Variants in CNDP2 observed in about 807,000 individuals in gnomAD.
CNDP2 encodes carnosine dipeptidase 2.
CNDP2 carries 38 observed loss-of-function variants against 55.0 expected under a neutral mutation model. The ratio of observed to expected loss-of-function variants is 0.69; its 90% CI spans 0.53 to 0.90. The LOEUF (loss-of-function observed/expected upper bound fraction) is 0.90. Among genes scored for constraint, CNDP2 ranks in the 40% least tolerant of loss-of-function variants. CNDP2 has a pLI of 0.00. For synonymous variants in CNDP2, 241 were observed against 260.2 expected (o/e 0.93, Z 0.71); for missense variants, 607 against 621.7 (o/e 0.98, Z 0.25).
chr18:74,506,116 TTTA>T, intron 4 of CNDP2, 105 bp downstream of exon 4: 1 of 1,000,550 alleles, frequency 1.0e-6, no homozygotes, highest in South Asian at 4.2e-5. Flanking sequence ...TTTATTTTAT[TTTA>T]TTTATTTTAT....
Position 74,510,919 on chromosome 18 carries a change from TG to T in CNDP2, c.565del (p.Asp189ThrfsTer52). The part of the protein sequence containing the change: ...FARKDTFFKD[V>X]DYVCISDNYW... ...CGGAAAGACACATTCTTTAAGGATG[TG>T]GACTATGTCTGCATTTCTGACAATT... On this transcript the variant is annotated frameshift_variant, in exon 6 of 12. Coordinates refer to ENST00000324262, the MANE Select transcript of CNDP2 (RefSeq NM_018235.3). LOFTEE classifies it high-confidence loss of function. The T allele has an allele frequency of 6.2e-7, 1 of 1,614,198 alleles. No homozygotes were observed. The highest frequency in any genetic ancestry group is 8.5e-7 in the Non-Finnish European group (1 of 1,180,010).
intron 6 of CNDP2, chr18:74,512,154 T>TA: frequency 3.1e-6 from 1 of 326,766 alleles, no homozygotes; most frequent in South Asian, 4.0e-5. Context: ...GGGTCTTTGT[T>TA]AAACTTCTAG....
At chr18:74,513,885 C>A in intron 8 of CNDP2, 166 bp downstream of exon 8, 1 of 667,398 alleles carries the variant, frequency 1.5e-6, no homozygotes, top group Non-Finnish European at 2.4e-6. Flanking sequence ...GGTTGCTGGT[C>A]GTTGGAATTT....
chr18:74,513,624 A>G lies in CNDP2; in HGVS notation c.808A>G (p.Thr270Ala), dbSNP rs1471814513. 6.2e-7 allele frequency: 1 copy of G among 1,614,092 alleles called. No homozygotes were observed. Among genetic ancestry groups the G allele is most frequent in the Admixed American group, 1.7e-5 (1 of 60,028 alleles). ...PGINEAVAAV[T>A]EEEHKLYDDI... ...CATTAACGAGGCCGTGGCCGCCGTC[A>G]CGGAAGAGGAGCACAAGCTGTACGA... is the stretch of plus-strand genomic sequence containing the variant. Residue 270 changes from threonine to alanine, a missense_variant, in exon 8 of 12, where the codon ACG (threonine) becomes GCG (alanine). Transcript: ENST00000324262.
chr18:74,520,901 A>G lies in CNDP2; in HGVS notation c.*833A>G, dbSNP rs796803161. On this transcript the variant is annotated 3_prime_UTR_variant, in exon 12 of 12. Coordinates refer to ENST00000324262, the MANE Select transcript of CNDP2 (RefSeq NM_018235.3). ...TGCTTTCTGCCTTCTGTCTCAGGTG[A>G]TGCATTGCACATTTGGGATATTTGG... is the stretch of plus-strand genomic sequence containing the variant. 8.3e-4 allele frequency: 127 copies of G among 152,328 alleles called. No homozygotes were observed. The highest frequency in any genetic ancestry group is 2.8e-3 in the African/African-American group (118 of 41,566). 9.4% of individuals were successfully genotyped at this position (152,328 alleles called of 1,614,324 possible). A position where few individuals can be genotyped will look rare whatever the true frequency, so the allele number is the denominator to read the frequency against.
intron 3 of CNDP2, 90 bp from the exon 4 acceptor site, chr18:74,505,759 G>A (rs1978977551): frequency 1.4e-6 from 2 of 1,419,256 alleles, no homozygotes; most frequent in African/African-American, 1.4e-5. Context: ...GGACAGATAA[G>A]GAAGCTCAAG....
chr18:74,506,436 C>T (rs1247440553), intron 4 of CNDP2, among the ~76,000 whole-genome samples: 1 of 152,114 alleles, frequency 6.6e-6, no homozygotes, highest in African/African-American at 2.4e-5. Flanking sequence ...ACGCCGGGCA[C>T]AGACTGTTTT....
At chr18:74,516,531 T>C in intron 9 of CNDP2, 139 bp downstream of exon 9, 2 of 813,550 alleles carry the variant, frequency 2.5e-6, no homozygotes, top group Non-Finnish European at 3.7e-6. Flanking sequence ...TCAGTAATTA[T>C]GACAGTCACG....
In CNDP2 at chr18:74,520,430, G is replaced by A. The variant is rs966148454; in HGVS notation, c.*362G>A. The A allele has an allele frequency of 1.3e-5, 3 of 228,518 alleles. No individual in the cohort carries two copies. The highest frequency in any genetic ancestry group is 2.6e-5 in the Non-Finnish European group (3 of 115,306). 14.2% of individuals were successfully genotyped at this position (228,518 alleles called of 1,614,324 possible). On this transcript the variant is annotated 3_prime_UTR_variant, in exon 12 of 12. Transcript: ENST00000324262. ...AGCACTTTGGGAGGCCAAGACAGGA[G>A]GATCACTTGAGGCCAGGAGTCTGAG...
intron 10 of CNDP2, 132 bp downstream of exon 10, chr18:74,518,772 A>G: frequency 2.1e-6 from 3 of 1,437,380 alleles, no homozygotes; most frequent in Non-Finnish European, 2.9e-6. Context: ...TTAAGTCAGC[A>G]TGAGGACAGC....
In CNDP2 at chr18:74,502,034, C is replaced by T. The variant is rs114095427; in HGVS notation, c.204+562C>T. On this transcript the variant is annotated intron_variant, in intron 3 of 11. Transcript: ENST00000324262. ...TCAGCCTCCTGAGTAGCTGGGCGAG[C>T]GCCACTACACCCAGCTAATTTTTAT... Among the ~76,000 whole-genome samples the T allele has an allele frequency of 7.2e-3, 1,094 of 152,212 alleles. 21 individuals are homozygous for T. The highest frequency in any genetic ancestry group is 0.024 in the African/African-American group (1,015 of 41,516).
chr18:74,501,392 A>C lies in CNDP2; in HGVS notation c.124A>C (p.Arg42=), dbSNP rs1410390652. ...GTGGCCGGAGAAGAGAGGCGAAATC[A>C]GGAGGATGATGGAAGTTGCTGCTGC... ...SAWPEKRGEI[R]RMMEVAAADV... Residue 42 remains arginine, a synonymous_variant, in exon 3 of 12, where the codon AGG becomes CGG. Coordinates refer to ENST00000324262, the MANE Select transcript of CNDP2 (RefSeq NM_018235.3). The C allele has an allele frequency of 6.2e-7, 1 of 1,614,176 alleles. No individual in the cohort carries two copies. The highest frequency in any genetic ancestry group is 8.5e-7 in the Non-Finnish European group (1 of 1,180,022).
chr18:74,506,025 G>A lies in CNDP2; in HGVS notation c.367+14G>A, dbSNP rs145537621. On this transcript the variant is annotated intron_variant, in intron 4 of 11. Transcript: ENST00000324262. ...TGGAGCGAGACGGTGAGCGCCGCGCGCCTATGCGTGCCCAGAGGAAAGGCA... is the reference window on the plus strand; with the variant it reads ...TGGAGCGAGACGGTGAGCGCCGCGCACCTATGCGTGCCCAGAGGAAAGGCA... 1,097 of 1,548,966 alleles carry A rather than the reference G, an allele frequency of 7.1e-4. 10 individuals carry two copies. The African/African-American group carries it at 0.013, about 18-fold the overall frequency.
intron 2 of CNDP2, among the ~76,000 whole-genome samples, chr18:74,500,398 G>A (rs866386830): frequency 2.6e-5 from 4 of 152,054 alleles, no homozygotes; most frequent in South Asian, 2.1e-4. Context: ...GTTATTCTTC[G>A]TACATACATT....
intron 2 of CNDP2, 151 bp from the exon 3 acceptor site, chr18:74,501,178 G>T: frequency 7.2e-7 from 1 of 1,387,132 alleles, no homozygotes; most frequent in Non-Finnish European, 9.3e-7. Context: ...TTAACCCAAA[G>T]CACACGTGAT....
chr18:74,513,450 C>G (rs1979467872), intron 7 of CNDP2, 109 bp from the exon 8 acceptor site: 15 of 1,229,366 alleles, frequency 1.2e-5, no homozygotes, highest in Non-Finnish European at 6.6e-6. Flanking sequence ...GCTGTGGGGC[C>G]TGAGCCGCAT....
intron 2 of CNDP2, among the ~76,000 whole-genome samples, chr18:74,500,934 T>C (rs1351313174): frequency 6.6e-6 from 1 of 152,246 alleles, no homozygotes; most frequent in Non-Finnish European, 1.5e-5. Flanking sequence ...CACAGTGTTC[T>C]TTTATACAAT....
Position 74,506,119 on chromosome 18 carries a change from A to T in CNDP2, c.367+108A>T, listed in dbSNP as rs1028141753. ...GTACAGACTGTTTTTATTTTATTTT[A>T]TTTATTTTATTACTTTTTAAAAATC... is the stretch of plus-strand genomic sequence containing the variant. On this transcript the variant is annotated intron_variant, in intron 4 of 11. Coordinates refer to ENST00000324262, the MANE Select transcript of CNDP2 (RefSeq NM_018235.3). 2.2e-5 allele frequency: 22 copies of T among 999,124 alleles called. No homozygotes were observed. The Admixed American group carries it at 3.3e-4, about 15-fold the overall frequency. The allele number at this position is 999,124 out of a possible 1,614,324, so 61.9% of individuals were successfully genotyped here.
Position 74,499,978 on chromosome 18 carries a change from C to T in CNDP2, c.5C>T (p.Ala2Val), listed in dbSNP as rs140583961. 5.8e-5 allele frequency: 94 copies of T among 1,613,786 alleles called. No homozygotes were observed. The African/African-American group carries it at 9.9e-4, about 17-fold the overall frequency. The stretch of plus-strand genomic sequence containing the variant: ...GGTCTGGGGTCTGGTTGAAAGATGG[C>T]GGCCCTCACTACCCTGTTTAAGTAC... Reference protein sequence around the residue: MAALTTLFKYID... With the variant: MVALTTLFKYID... The change falls in exon 2 of 12, where the codon GCG (alanine) becomes GTG (valine). Residue 2 changes from alanine to valine, a missense_variant. By Grantham distance (64) the Ala-to-Val change is moderately conservative (BLOSUM62 0). Coordinates refer to ENST00000324262, the MANE Select transcript of CNDP2 (RefSeq NM_018235.3).
Sources: gnomAD v4.1 joint callset for allele counts (sites outside exome capture counted in the v4.1 genomes callset) on GRCh38, gnomAD v4.1.1 for gene constraint, MANE v1.5 for transcripts, NCBI Gene and HGNC (gene_info 2026-07-23, HGNC 2026-07-21) for gene names.